Variants in SGCZ observed in about 807,000 individuals in gnomAD.
SGCZ encodes sarcoglycan zeta, also known as zeta-sarcoglycan.
SGCZ carries 40 observed loss-of-function variants against 41.3 expected under a neutral mutation model. The observed-to-expected ratio is 0.97, with a 90% confidence interval of 0.75 to 1.26. The LOEUF (loss-of-function observed/expected upper bound fraction) is 1.26, where lower values mean the gene tolerates loss of function less well. SGCZ is among the 50% of genes most tolerant of loss of function. The pLI is 0.00. For synonymous variants in SGCZ, 206 were observed against 137.5 expected, an observed-to-expected ratio of 1.50 and a Z score of -3.49; for missense variants, 552 against 369.8, an observed-to-expected ratio of 1.49 and a Z score of -4.04.
chr8:14,403,263 T>C (rs1209952763), intron 2 of SGCZ, among the ~76,000 whole-genome samples: 3 of 150,380 alleles, frequency 2.0e-5, no homozygotes, highest in African/African-American at 7.6e-5. Flanking sequence ...CCTCTTTTCC[T>C]AATTGAATAC....
chr8:14,332,413 C>T (rs771014633), intron 2 of SGCZ: 1 of 151,914 alleles, frequency 6.6e-6, no homozygotes, highest in African/African-American at 2.4e-5. Flanking sequence ...TGCACTCCAG[C>T]CTGGGCGACA....
At chr8:14,234,153 T>C (rs377328054) in intron 4 of SGCZ, among the ~76,000 whole-genome samples, 3 of 152,144 alleles carry the variant, frequency 2.0e-5, no homozygotes, top group East Asian at 3.9e-4. Flanking sequence ...CTACCTAAAG[T>C]TTTAAAATAT....
At chr8:15,182,308 T>C (rs1585648318) in intron 1 of SGCZ, among the ~76,000 whole-genome samples, 1 of 152,202 alleles carries the variant, frequency 6.6e-6, no homozygotes. Flanking sequence ...AATGCAGTCA[T>C]GTGCCCCTTA....
At chr8:14,590,820 T>C (rs1805216193) in intron 1 of SGCZ, among the ~76,000 whole-genome samples, 1 of 148,202 alleles carries the variant, frequency 6.7e-6, no homozygotes, top group Non-Finnish European at 1.5e-5. Context: ...TGATATATAA[T>C]ATATCATGAA....
intron 1 of SGCZ, among the ~76,000 whole-genome samples, chr8:15,216,662 A>G (rs1349282434): frequency 1.3e-5 from 2 of 152,182 alleles, no homozygotes; most frequent in African/African-American, 4.8e-5. Flanking sequence ...AAAATATGGA[A>G]AGCATCTTGT....
rs543084547 is a variant in SGCZ at position 14,830,568 on chromosome 8, G to A, written c.40-275642C>T. On this transcript the variant is annotated intron_variant, in intron 1 of 7. Coordinates refer to ENST00000382080, the MANE Select transcript of SGCZ (RefSeq NM_139167.4). ...GTTTTTAATAATCACAGATAACTGT[G>A]AAAGTCCATAAAATTCTAGTGTGCT... Among the ~76,000 whole-genome samples, 131 of 152,242 alleles carry A rather than the reference G, an allele frequency of 8.6e-4. No homozygotes were observed. In the Middle Eastern group the frequency reaches 0.01, roughly 12 times the overall value.
At chr8:14,143,189 T>TA (rs2116929874) in intron 5 of SGCZ, among the ~76,000 whole-genome samples, 1 of 152,240 alleles carries the variant, frequency 6.6e-6, no homozygotes, top group East Asian at 1.9e-4. Flanking sequence ...AACGTATTTT[T>TA]AAAAACCTAT....
intron 1 of SGCZ, among the ~76,000 whole-genome samples, chr8:14,656,430 TCC>T: frequency 2.3e-5 from 3 of 130,244 alleles, no homozygotes; most frequent in Non-Finnish European, 5.0e-5. Flanking sequence ...CCTTCCTTCC[TCC>T]CCCCTCTATC....
intron 2 of SGCZ, among the ~76,000 whole-genome samples, chr8:14,330,426 A>G (rs1428676593): frequency 1.3e-5 from 2 of 152,096 alleles, no homozygotes; most frequent in Non-Finnish European, 2.9e-5. Flanking sequence ...AGTAATCTTT[A>G]GCATAATTTT....
intron 1 of SGCZ, among the ~76,000 whole-genome samples, chr8:15,211,812 T>G (rs1252046476): frequency 6.6e-6 from 1 of 152,148 alleles, no homozygotes; most frequent in Non-Finnish European, 1.5e-5. Context: ...GATTTTTTAG[T>G]AGGATGAATT....
intron 1 of SGCZ, among the ~76,000 whole-genome samples, chr8:15,200,984 CT>C (rs1256680634): frequency 3.3e-4 from 50 of 152,052 alleles, no homozygotes; most frequent in Non-Finnish European, 2.5e-4. Context: ...AACTCTCTCC[CT>C]TCCCCCACTA....
intron 1 of SGCZ, among the ~76,000 whole-genome samples, chr8:15,196,022 C>A (rs1299880004): frequency 6.8e-6 from 1 of 146,078 alleles, no homozygotes; most frequent in Non-Finnish European, 1.5e-5. Flanking sequence ...CTCAGCCTCC[C>A]GAGTAGCTGG....
intron 1 of SGCZ, among the ~76,000 whole-genome samples, chr8:15,235,125 G>C (rs183984239): frequency 6.6e-6 from 1 of 152,282 alleles, no homozygotes; most frequent in Admixed American, 6.5e-5. Flanking sequence ...AGGCTCTTCA[G>C]CAAGAAGCCA....
chr8:14,449,816 A>T (rs1328495029), intron 2 of SGCZ, among the ~76,000 whole-genome samples: 1 of 152,182 alleles, frequency 6.6e-6, no homozygotes, highest in African/African-American at 2.4e-5. Context: ...AAAGTACCTG[A>T]TGTAATGGAA....
intron 1 of SGCZ, among the ~76,000 whole-genome samples, chr8:14,562,582 G>A (rs559409120): frequency 6.6e-6 from 1 of 152,262 alleles, no homozygotes; most frequent in South Asian, 2.1e-4. Flanking sequence ...TGACACCTGA[G>A]ATGAGACTAA....
chr8:14,092,600 C>A (rs1801721978), intron 7 of SGCZ, among the ~76,000 whole-genome samples: 1 of 151,862 alleles, frequency 6.6e-6, no homozygotes, highest in Admixed American at 6.6e-5. Context: ...GGCAGTTTCC[C>A]CCATGCTGTT....
chr8:15,103,051 T>C (rs1806673207), intron 1 of SGCZ, among the ~76,000 whole-genome samples: 1 of 152,072 alleles, frequency 6.6e-6, no homozygotes, highest in African/African-American at 2.4e-5. Flanking sequence ...AACAAAACAA[T>C]GTCATGTATG....
At chr8:14,207,139 G>T (rs1424279141) in intron 4 of SGCZ, among the ~76,000 whole-genome samples, 1 of 12,966 alleles carries the variant, frequency 7.7e-5, no homozygotes, top group Admixed American at 9.0e-4. Context: ...AGGGTAGAGG[G>T]TGATGGTGGC....
intron 1 of SGCZ, among the ~76,000 whole-genome samples, chr8:15,217,543 C>G (rs1462861678): frequency 6.6e-6 from 1 of 150,718 alleles, no homozygotes; most frequent in Non-Finnish European, 1.5e-5. Flanking sequence ...ATGAATTATA[C>G]CAATCTAGGA....
Sources: gnomAD v4.1 joint callset for allele counts (sites outside exome capture counted in the v4.1 genomes callset) on GRCh38, gnomAD v4.1.1 for gene constraint, MANE v1.5 for transcripts, NCBI Gene and HGNC (gene_info 2026-07-23, HGNC 2026-07-21) for gene names.